GGT1: variants seen among roughly 807,000 people sequenced by gnomAD.
GGT1 encodes the protein gamma-glutamyltransferase 1.
In GGT1, 21 loss-of-function variants were observed where a neutral mutation model predicts 56.0. The observed-to-expected ratio is 0.38, with a 90% CI of 0.27 to 0.54. The LOEUF is 0.54. Among genes scored for constraint, GGT1 ranks in the 20% least tolerant of loss-of-function variants. GGT1 has a pLI of 0.82. For missense variants in GGT1, 466 were observed against 787.0 expected (o/e 0.59, Z 4.88); for synonymous variants, 238 against 342.6 (o/e 0.69, Z 3.37).
In GGT1 at chr22:24,628,277, C is replaced by T. The variant is rs376688139; in HGVS notation, c.1452C>T (p.Ala484=). ...CTGATCACACTCCCATGCCCCAGGC[C>T]ATCATCTACAACCTCTGGTTCGGCT... ...GTQITTATAL[A]IIYNLWFGYD... The change falls in exon 15 of 16, where the codon GCC becomes GCT. Residue 484 remains alanine (A), a splice_region_variant and synonymous_variant. Coordinates refer to ENST00000400382, the MANE Select transcript of GGT1 (RefSeq NM_001288833.2). This position sits in a 1 kb window ranked among gnomAD's most constrained non-coding sequence, Gnocchi z 5.7. The T allele has an allele frequency of 2.6e-5, 42 of 1,611,964 alleles. No individual in the cohort carries two copies. The African/African-American group carries it at 5.3e-4, about 20-fold the overall frequency.
intron 9 of GGT1, 21 bp from the exon 10 acceptor site, chr22:24,623,086 T>A (rs534982468): frequency 1.2e-6 from 2 of 1,611,628 alleles, no homozygotes; most frequent in Non-Finnish European, 1.7e-6. Flanking sequence ...AGCACCCATT[T>A]GAGCTGCTGT....
upstream of GGT1, among the ~76,000 whole-genome samples, chr22:24,594,186 C>T (rs1269180189): frequency 6.6e-6 from 1 of 152,176 alleles, no homozygotes; most frequent in Non-Finnish European, 1.5e-5. Flanking sequence ...CTGCTGCAGG[C>T]CTGCTGGGCC....
chr22:24,619,391 T>A (rs1601728716), intron 7 of GGT1, among the ~76,000 whole-genome samples: 1 of 115,792 alleles, frequency 8.6e-6, no homozygotes, highest in African/African-American at 3.6e-5. Context: ...AGAGTGAAAC[T>A]CCATCTCAGA....
rs201091887 is a variant in GGT1, at chr22:24,597,684, A to C, written c.-324+2798A>C. On this transcript the variant is annotated intron_variant, in intron 1 of 6. Transcript: ENST00000411974. Reference sequence around the variant, plus strand: ...TGACAGAGTGAGACTCCATCTCAAAAACACACACACACACACACACACAAA... The same window carrying C: ...TGACAGAGTGAGACTCCATCTCAAACACACACACACACACACACACACAAA... Among the ~76,000 whole-genome samples, 8 of 148,836 alleles carry C rather than the reference A, an allele frequency of 5.4e-5. No individual in the cohort carries two copies. The South Asian group carries it at 1.3e-3, about 24-fold the overall frequency.
rs780565735 is a variant in GGT1, at chr22:24,611,535, CTATCTATCATCT to C, written c.164+291_164+302del. Among the ~76,000 whole-genome samples the C allele has an allele frequency of 9.7e-3, 1,279 of 131,340 alleles. 23 individuals carry two copies. The highest frequency in any genetic ancestry group is 0.038 in the African/African-American group (1,109 of 29,358). The allele number at this position is 131,340 out of a possible 152,430, so 86.2% of individuals were successfully genotyped here. ...TCTTCCTATCTATCTATCTATCTAT[CTATCTATCATCT>C]ATCTATCTATCTATCTATCTATCTA... On this transcript the variant is annotated intron_variant, in intron 5 of 15. Transcript: ENST00000400382.
At chr22:24,611,053 G>T in intron 4 of GGT1, 22 bp from the exon 5 acceptor site, 12 of 1,590,164 alleles carry the variant, frequency 7.5e-6, no homozygotes, top group Admixed American at 1.7e-5. Context: ...GCCTGACCCT[G>T]CTTCTTACCC....
chr22:24,593,099 G>C, upstream of GGT1: 1 of 1,033,440 alleles, frequency 9.7e-7, no homozygotes, highest in East Asian at 8.5e-5. Flanking sequence ...CCCCGCTCCC[G>C]GGGCCGCCCC....
At chr22:24,623,057 A>G (rs1229397249) in intron 9 of GGT1, 50 bp from the exon 10 acceptor site, 32 of 1,610,552 alleles carry the variant, frequency 2.0e-5, no homozygotes, top group Non-Finnish European at 2.6e-5. Context: ...TCCTCCACGC[A>G]GTGGTGCAGC....
chr22:24,586,166 GC>G, the GGT1 span: 1 of 1,613,360 alleles, frequency 6.2e-7, no homozygotes, highest in South Asian at 1.1e-5. Context: ...GCGGGCAGTG[GC>G]CCGCGTCAGT....
chr22:24,604,866 G>T (rs1357533441), intron 1 of GGT1, among the ~76,000 whole-genome samples: 2 of 148,010 alleles, frequency 1.4e-5, no homozygotes, highest in Non-Finnish European at 3.0e-5. Flanking sequence ...ATCCTCAGCT[G>T]CTGCCAGGCT....
Position 24,623,876 on chromosome 22 carries a change from G to C in GGT1, c.980G>C (p.Arg327Thr). The change falls in exon 11 of 16, where the codon AGG becomes ACG. Residue 327 changes from arginine to threonine, a missense_variant. This residue lies in a region of GGT1 where 456 missense variants were observed against 716.7 expected (regional missense o/e 0.64). Transcript: ENST00000400382. ...VEAFRFAYAK[R>T]TLLGDPKFVD... ...GCTTTCCGGTTTGCCTACGCCAAGA[G>C]GACCCTGCTTGGGGACCCCAAGTTT... 1 of 1,611,672 alleles carries C rather than the reference G, an allele frequency of 6.2e-7. No homozygotes were observed. The highest frequency in any genetic ancestry group is 8.5e-7 in the Non-Finnish European group (1 of 1,179,714).
upstream of GGT1, chr22:24,592,736 G>C: frequency 7.7e-7 from 1 of 1,299,990 alleles, no homozygotes; most frequent in Non-Finnish European, 9.8e-7. Flanking sequence ...GCGCGCGCCA[G>C]AGACCAGCTC....
chr22:24,592,647 G>T, upstream of GGT1: 1 of 745,474 alleles, frequency 1.3e-6, no homozygotes, highest in Non-Finnish European at 2.0e-6. Context: ...ACCTCACCCA[G>T]CCCTCACTCC....
At chr22:24,601,830 A>G (rs2045787856), upstream of GGT1, among the ~76,000 whole-genome samples, 1 of 152,206 alleles carries the variant, frequency 6.6e-6, no homozygotes, top group South Asian at 2.1e-4. Flanking sequence ...TTGGCCCTGG[A>G]ACCCTCCTCA....
the GGT1 span, chr22:24,588,420 G>GCTCACACACACAC: frequency 9.9e-7 from 1 of 1,006,396 alleles, no homozygotes; most frequent in Non-Finnish European, 1.5e-6. Flanking sequence ...CCAAGTGTGT[G>GCTCACACACACAC]TGTGAGCACA....
chr22:24,588,208 C>A, the GGT1 span: 1 of 1,608,678 alleles, frequency 6.2e-7, no homozygotes, highest in South Asian at 1.1e-5. Flanking sequence ...GCTGGGCTAC[C>A]CTTACCAGCT....
At chr22:24,590,037 CGTTCCT>C, upstream of GGT1, 1 of 1,396,072 alleles carries the variant, frequency 7.2e-7, no homozygotes, top group South Asian at 1.5e-5. Flanking sequence ...TGCTTATGCC[CGTTCCT>C]GTCTCTCCAT....
upstream of GGT1, among the ~76,000 whole-genome samples, chr22:24,602,434 A>G (rs2045798685): frequency 2.0e-5 from 3 of 152,214 alleles, no homozygotes; most frequent in Non-Finnish European, 4.4e-5. Context: ...GAGCCTTGCT[A>G]AGAGTGACAA....
upstream of GGT1, among the ~76,000 whole-genome samples, chr22:24,591,667 C>T (rs537113804): frequency 2.7e-4 from 41 of 152,322 alleles, no homozygotes; most frequent in African/African-American, 9.9e-4. Context: ...AGCTAAAATG[C>T]CCAACTGGTG....
Sources: allele counts gnomAD v4.1 joint callset (sites outside exome capture counted in the v4.1 genomes callset), GRCh38; gene constraint gnomAD v4.1.1; regional missense constraint gnomAD v4.1.1; non-coding constraint Gnocchi (gnomAD v3.1); transcripts MANE v1.5; gene names NCBI Gene and HGNC (gene_info 2026-07-23, HGNC 2026-07-21).